The following BBS9 variants were observed in gnomAD, a reference collection of about 807,000 sequenced individuals.
BBS9 encodes the protein protein PTHB1.
Under a neutral mutation model 117.7 loss-of-function variants are expected in BBS9, and 89 were observed. That is an observed-to-expected ratio of 0.76 (90% CI 0.64 to 0.90). The LOEUF (loss-of-function observed/expected upper bound fraction) is 0.90, where lower values mean the gene tolerates loss of function less well. Among genes scored for constraint, BBS9 ranks in the 40% least tolerant of loss-of-function variants. The pLI is 0.00. For synonymous variants in BBS9, 379 were observed against 370.9 expected (o/e 1.02, Z -0.25); for missense variants, 982 against 1,042.2 (o/e 0.94, Z 0.80).
In BBS9 at chr7:33,538,773, T is replaced by TAA. The variant is rs56727625; in HGVS notation, c.2521+4608_2521+4609dup. Among the ~76,000 whole-genome samples, 271 of 144,768 alleles carry TAA rather than the reference T, an allele frequency of 1.9e-3. 2 individuals carry two copies. Among genetic ancestry groups the TAA allele is most frequent in the Admixed American group, 6.5e-3 (95 of 14,538 alleles). The allele number at this position is 144,768 out of a possible 152,430, so 95.0% of individuals were successfully genotyped here. A position where few individuals can be genotyped will look rare whatever the true frequency, so the allele number is the denominator to read the frequency against. On this transcript the variant is annotated intron_variant, in intron 21 of 22. Coordinates refer to ENST00000242067, the MANE Select transcript of BBS9 (RefSeq NM_198428.3). Reference sequence around the variant, plus strand: ...AGAATACAATACTTTATCTTGACATTAAAAAAAAAAAAGGGAGTGAGTTCC... The same window carrying TAA: ...AGAATACAATACTTTATCTTGACATTAAAAAAAAAAAAAAGGGAGTGAGTTCC...
intron 1 of BBS9, among the ~76,000 whole-genome samples, chr7:33,137,938 G>C (rs1302615848): frequency 6.6e-6 from 1 of 152,152 alleles, no homozygotes; most frequent in Admixed American, 6.5e-5. Context: ...AAATATTGTT[G>C]TTCTGAAATA....
intron 19 of BBS9, among the ~76,000 whole-genome samples, chr7:33,461,205 G>A (rs1425536053): frequency 2.6e-5 from 4 of 151,938 alleles, no homozygotes; most frequent in Admixed American, 6.6e-5. Context: ...ATGTGTGTAT[G>A]TGTTTGAGTA....
intron 19 of BBS9, among the ~76,000 whole-genome samples, chr7:33,411,687 G>T (rs1045971687): frequency 1.3e-5 from 2 of 152,032 alleles, no homozygotes; most frequent in African/African-American, 4.8e-5. Context: ...AATGTTCAAT[G>T]TAATATGTAA....
At chr7:33,605,153 G>A (rs1864406749) in intron 22 of BBS9, 42 bp from the exon 23 acceptor site, 1 of 1,579,898 alleles carries the variant, frequency 6.3e-7, no homozygotes, top group East Asian at 2.2e-5. Context: ...TCACTATTCA[G>A]ATCTTTTCTC....
intron 1 of BBS9, among the ~76,000 whole-genome samples, chr7:33,144,452 C>A (rs1792020578): frequency 6.6e-6 from 1 of 152,192 alleles, no homozygotes. Context: ...CATTTGTGAT[C>A]AAGTGCAAAG....
chr7:33,541,921 T>A (rs1369577203), intron 21 of BBS9, among the ~76,000 whole-genome samples: 1 of 151,154 alleles, frequency 6.6e-6, no homozygotes, highest in Non-Finnish European at 1.5e-5. Flanking sequence ...AAGGGTAAGT[T>A]ATATATGAAT....
Position 33,383,926 on chromosome 7 carries a change from A to G in BBS9, c.1962+88A>G, listed in dbSNP as rs977443338. The G allele has an allele frequency of 8.9e-6, 12 of 1,353,218 alleles. No homozygotes were observed. The Admixed American group carries it at 1.4e-4, about 16-fold the overall frequency. 83.8% of individuals were successfully genotyped at this position (1,353,218 alleles called of 1,614,324 possible). A position where few individuals can be genotyped will look rare whatever the true frequency, so the allele number is the denominator to read the frequency against. On this transcript the variant is annotated intron_variant, in intron 18 of 22. Coordinates refer to ENST00000242067, the MANE Select transcript of BBS9 (RefSeq NM_198428.3). ...TATAGAAGGATTCTGTATGCATGCC[A>G]TTAGGCTATGTGCTTCTAGTTGTTT...
At chr7:33,625,260 G>A (rs1865584630) in intron 21 of BBS9, among the ~76,000 whole-genome samples, 1 of 152,052 alleles carries the variant, frequency 6.6e-6, no homozygotes, top group African/African-American at 2.4e-5. Context: ...ATAGAAATGA[G>A]TTGTACAGGT....
chr7:33,296,492 G>C (rs539268357), intron 9 of BBS9, among the ~76,000 whole-genome samples: 32 of 152,076 alleles, frequency 2.1e-4, no homozygotes, highest in African/African-American at 7.5e-4. Context: ...TTTAAGTCAA[G>C]GAATAATCAC....
chr7:33,442,565 A>G (rs970629990), intron 19 of BBS9, among the ~76,000 whole-genome samples: 1 of 152,216 alleles, frequency 6.6e-6, no homozygotes, highest in African/African-American at 2.4e-5. Flanking sequence ...TAGTAAGCTA[A>G]AGTTTTACAA....
intron 4 of BBS9, among the ~76,000 whole-genome samples, chr7:33,161,562 A>G (rs1157215676): frequency 2.0e-5 from 3 of 152,190 alleles, no homozygotes; most frequent in African/African-American, 4.8e-5. Context: ...GCTATTGTGA[A>G]TAGTGCCATA....
intron 5 of BBS9, among the ~76,000 whole-genome samples, chr7:33,188,080 ATGTGTGTGTG>A (rs145485929): frequency 1.4e-5 from 1 of 73,070 alleles, no homozygotes; most frequent in Admixed American, 1.3e-4. Context: ...AGTTGAGTGA[ATGTGTGTGTG>A]TGTGTGTGTG....
intron 9 of BBS9, among the ~76,000 whole-genome samples, chr7:33,328,287 C>T (rs923994251): frequency 1.3e-5 from 2 of 152,234 alleles, no homozygotes; most frequent in Non-Finnish European, 2.9e-5. Flanking sequence ...CTATCTACTA[C>T]ATTGGATTGC....
intron 19 of BBS9, among the ~76,000 whole-genome samples, chr7:33,411,945 G>T (rs1419928): frequency 0.58 from 87,420 of 151,804 alleles, 25,351 homozygotes; most frequent in East Asian, 0.68. Flanking sequence ...TACTCCTTAT[G>T]GTAGTCATTT....
chr7:33,505,443 G>A lies in BBS9; in HGVS notation c.2116-20G>A, dbSNP rs149813362. On this transcript the variant is annotated intron_variant, in intron 19 of 22. Coordinates refer to ENST00000242067, the MANE Select transcript of BBS9 (RefSeq NM_198428.3). Reference sequence around the variant, plus strand: ...AATAATTGTGAAATTATCCCTAACCGAAGTTTGTAATATCTGCAGGTAATT... The same window carrying A: ...AATAATTGTGAAATTATCCCTAACCAAAGTTTGTAATATCTGCAGGTAATT... 1.2e-3 allele frequency: 1,931 copies of A among 1,613,668 alleles called. 25 individuals carry two copies. In the African/African-American group the frequency reaches 0.021, roughly 17 times the overall value.
chr7:33,441,990 C>T (rs1003792977), intron 19 of BBS9, among the ~76,000 whole-genome samples: 1 of 151,544 alleles, frequency 6.6e-6, no homozygotes, highest in Admixed American at 6.6e-5. Context: ...CTCCTGGGTT[C>T]AAGCCGTTCT....
chr7:33,383,524 T>G (rs1423614406), intron 17 of BBS9, 142 bp from the exon 18 acceptor site: 6 of 770,732 alleles, frequency 7.8e-6, no homozygotes, highest in Non-Finnish European at 1.0e-5. Context: ...AGTGAAAGTA[T>G]TTTTATAAAG....
At chr7:33,194,674 A>G (rs1348597707) in intron 5 of BBS9, among the ~76,000 whole-genome samples, 3 of 152,168 alleles carry the variant, frequency 2.0e-5, no homozygotes, top group African/African-American at 7.2e-5. Flanking sequence ...TCTTTTTTCC[A>G]GATTGTTATT....
At chr7:33,355,566 G>A (rs1819472505) in intron 15 of BBS9, among the ~76,000 whole-genome samples, 1 of 151,800 alleles carries the variant, frequency 6.6e-6, no homozygotes, top group Admixed American at 6.6e-5. Flanking sequence ...ATTTTTCAAA[G>A]TAATGTTTTC....
Sources: allele counts gnomAD v4.1 joint callset (sites outside exome capture counted in the v4.1 genomes callset), GRCh38; gene constraint gnomAD v4.1.1; transcripts MANE v1.5; gene names NCBI Gene and HGNC (gene_info 2026-07-23, HGNC 2026-07-21).